The following MYH10 variants were observed in gnomAD, a reference collection of about 807,000 sequenced individuals.
The protein encoded by MYH10 is myosin heavy chain 10.
A neutral mutation model predicts 257.8 loss-of-function variants in MYH10; 55 were observed. The ratio of observed to expected loss-of-function variants is 0.21; its 90% confidence interval spans 0.17 to 0.27. The LOEUF (loss-of-function observed/expected upper bound fraction) is 0.27. MYH10 is among the 10% of genes least tolerant of loss of function. MYH10 has a pLI of 1.00. For synonymous variants in MYH10, 854 were observed against 921.7 expected (o/e 0.93, Z 1.33); for missense variants, 1,631 against 2,500.6 (o/e 0.65, Z 7.42).
chr17:8,541,783 C>G (rs558352554), intron 14 of MYH10, among the ~76,000 whole-genome samples: 2 of 152,282 alleles, frequency 1.3e-5, no homozygotes, highest in South Asian at 4.1e-4. Flanking sequence ...TCAGGTGGAG[C>G]TCCACATCCT....
chr17:8,474,594 GCA>G lies in MYH10; in HGVS notation c.*1208_*1209del, dbSNP rs1245354067. The G allele has an allele frequency of 1.3e-5, 2 of 152,620 alleles. No individual in the cohort carries two copies. The highest frequency in any genetic ancestry group is 2.9e-5 in the Non-Finnish European group (2 of 68,038). The allele number at this position is 152,620 out of a possible 1,614,324, so 9.5% of individuals were successfully genotyped here. ...TGACTAGAGAGGTACATGATATGAA[GCA>G]CAGTCAAAACTGAATACATTAAATT... is the stretch of plus-strand genomic sequence containing the variant. On this transcript the variant is annotated 3_prime_UTR_variant, in exon 43 of 43. Coordinates refer to ENST00000360416, the MANE Select transcript of MYH10 (RefSeq NM_001256012.3).
At position 8,508,643 on chromosome 17, in the gene MYH10, C is replaced by T. The variant is rs780337717; in HGVS notation, c.3125G>A (p.Cys1042Tyr). 2.5e-6 allele frequency: 4 copies of T among 1,614,086 alleles called. No homozygotes were observed. The South Asian group carries it at 4.4e-5, about 18-fold the overall frequency. Residue 1042 changes from cysteine to tyrosine, a missense_variant, in exon 26 of 43, where the codon TGT (cysteine) becomes TAT (tyrosine). Around this residue, in one of 11 missense-constraint regions of MYH10, gnomAD observed 169 missense variants for 249.8 expected, o/e 0.68. Coordinates refer to ENST00000360416, the MANE Select transcript of MYH10 (RefSeq NM_001256012.3). ...KKLMEDRIAE[C>Y]SSQLAEEEEK... ...TTCCTCTTCAGCCAGCTGAGAGGAA[C>T]ACTCAGCAATGCGATCTTCCATGAG...
At chr17:8,547,796 ATTTATATT>A (rs1354934762) in intron 11 of MYH10, among the ~76,000 whole-genome samples, 2 of 147,140 alleles carry the variant, frequency 1.4e-5, no homozygotes, top group African/African-American at 2.5e-5. Flanking sequence ...ATATTTATAT[ATTTATATT>A]AAATATATAT....
intron 7 of MYH10, among the ~76,000 whole-genome samples, chr17:8,564,616 A>T (rs1391160983): frequency 1.3e-5 from 2 of 152,200 alleles, no homozygotes; most frequent in Non-Finnish European, 2.9e-5. Context: ...AGGGAACCTT[A>T]GTTTTGACCA....
chr17:8,619,675 G>A (rs942305287), intron 2 of MYH10, among the ~76,000 whole-genome samples: 4 of 152,228 alleles, frequency 2.6e-5, no homozygotes, highest in Admixed American at 2.6e-4. Flanking sequence ...TGTAATCACA[G>A]CACTCTGGGA....
At chr17:8,494,457 C>A (rs761881644) in intron 31 of MYH10, among the ~76,000 whole-genome samples, 15 of 152,198 alleles carry the variant, frequency 9.9e-5, no homozygotes, top group Non-Finnish European at 1.9e-4. Flanking sequence ...ACTCACCAGG[C>A]CGCACCTTGT....
At chr17:8,497,885 T>A (rs551949629) in intron 30 of MYH10, among the ~76,000 whole-genome samples, 1 of 152,104 alleles carries the variant, frequency 6.6e-6, no homozygotes, top group Middle Eastern at 3.4e-3. Flanking sequence ...GTGTAACAAC[T>A]TTTTACATAG....
In MYH10 at chr17:8,494,037, A is replaced by G. The variant is rs893935842; in HGVS notation, c.4057-152T>C. ...ACAAACACAGATGATTTAAAAACAC[A>G]CACGATAACTTTGTAAAAGCTCTTC... On this transcript the variant is annotated intron_variant, in intron 31 of 42. Transcript: ENST00000360416. 10 of 865,108 alleles carry G rather than the reference A, an allele frequency of 1.2e-5. No individual in the cohort carries two copies. In the African/African-American group the frequency reaches 1.7e-4, roughly 15 times the overall value. 53.6% of individuals were successfully genotyped at this position (865,108 alleles called of 1,614,324 possible).
intron 7 of MYH10, among the ~76,000 whole-genome samples, chr17:8,567,827 G>A (rs569079984): frequency 9.9e-4 from 151 of 152,308 alleles, no homozygotes; most frequent in Non-Finnish European, 1.8e-3. Flanking sequence ...GAGATAATAT[G>A]CAAAAACAGC....
At chr17:8,532,910 A>C (rs576293259) in intron 16 of MYH10, among the ~76,000 whole-genome samples, 1 of 152,336 alleles carries the variant, frequency 6.6e-6, no homozygotes, top group East Asian at 1.9e-4. Context: ...GTTAAGGGAT[A>C]TAAGACAAGG....
intron 4 of MYH10, 96 bp from the exon 5 acceptor site, chr17:8,577,434 A>G: frequency 3.4e-6 from 2 of 593,512 alleles, no homozygotes; most frequent in South Asian, 6.8e-5. Flanking sequence ...TGGAACAATA[A>G]TTAATAAAAA....
chr17:8,482,207 G>A (rs1422976663), intron 37 of MYH10, among the ~76,000 whole-genome samples: 1 of 152,226 alleles, frequency 6.6e-6, no homozygotes, highest in African/African-American at 2.4e-5. Flanking sequence ...GCAGCAAAAA[G>A]TCAGGGTTCC....
chr17:8,572,236 G>T (rs28396416), intron 6 of MYH10, among the ~76,000 whole-genome samples: 1 of 84,972 alleles, frequency 1.2e-5, no homozygotes, highest in African/African-American at 3.8e-5. Context: ...CTCTGTGTGT[G>T]TGTGTGTGTG....
intron 34 of MYH10, 76 bp downstream of exon 34, chr17:8,492,221 G>T: frequency 7.0e-7 from 1 of 1,428,120 alleles, no homozygotes; most frequent in Non-Finnish European, 9.6e-7. Context: ...CTGAGGAGTC[G>T]CCCGCTCCTG....
intron 6 of MYH10, among the ~76,000 whole-genome samples, chr17:8,571,299 C>T (rs1471848543): frequency 1.3e-5 from 2 of 151,360 alleles, no homozygotes; most frequent in Non-Finnish European, 2.9e-5. Flanking sequence ...CTCAGCCTCC[C>T]GAGTAGCTGG....
chr17:8,546,697 T>G lies in MYH10; in HGVS notation c.1160-35A>C, dbSNP rs1024276970. 10 of 1,508,958 alleles carry G rather than the reference T, an allele frequency of 6.6e-6. No individual in the cohort carries two copies. In the African/African-American group the frequency reaches 1.4e-4, roughly 21 times the overall value. The allele number at this position is 1,508,958 out of a possible 1,614,324, so 93.5% of individuals were successfully genotyped here. ...AAAAAGTCTCCTAAATCCTACATTT[T>G]TTACTTACAATCTACTCACAATATA... is the stretch of plus-strand genomic sequence containing the variant. On this transcript the variant is annotated intron_variant, in intron 11 of 42. Transcript: ENST00000360416.
chr17:8,492,179 G>A, intron 34 of MYH10, 118 bp downstream of exon 34: 1 of 956,886 alleles, frequency 1.0e-6, no homozygotes, highest in South Asian at 1.5e-5. Context: ...CTTTGCTGCT[G>A]GGCTGTGCAT....
chr17:8,612,739 T>A (rs1252975746), intron 2 of MYH10, among the ~76,000 whole-genome samples: 1 of 151,934 alleles, frequency 6.6e-6, no homozygotes, highest in Non-Finnish European at 1.5e-5. Flanking sequence ...TAATCCCCGC[T>A]ACTCAAGAGG....
rs1000329205 is a variant in MYH10 at position 8,534,799 on chromosome 17, C to T, written c.1894+588G>A. On this transcript the variant is annotated intron_variant, in intron 16 of 42. Coordinates refer to ENST00000360416, the MANE Select transcript of MYH10 (RefSeq NM_001256012.3). ...GGAGAAGATACTGGTTCCTAAAATG[C>T]ATAGAGACACAGAGACATTTTGATT... 7.9e-5 allele frequency among the ~76,000 whole-genome samples: 12 copies of T among 152,334 alleles called. No homozygotes were observed. The East Asian group carries it at 9.6e-4, about 12-fold the overall frequency.
Sources: gnomAD v4.1 joint callset for allele counts (sites outside exome capture counted in the v4.1 genomes callset) on GRCh38, gnomAD v4.1.1 for gene constraint, gnomAD v4.1.1 regional missense constraint, MANE v1.5 for transcripts, NCBI Gene and HGNC (gene_info 2026-07-23, HGNC 2026-07-21) for gene names.